The following ATP6V0D2 variants were observed in gnomAD, a reference collection of about 807,000 sequenced individuals.
ATP6V0D2 encodes V-type proton ATPase subunit d 2.
In ATP6V0D2, 40 loss-of-function variants were observed where a neutral mutation model predicts 40.0. The ratio of observed to expected loss-of-function variants is 1.00; its 90% CI spans 0.78 to 1.30. The LOEUF (loss-of-function observed/expected upper bound fraction) is 1.30. Ranked by LOEUF, ATP6V0D2 falls within the 50% of genes most tolerant of loss-of-function variation. ATP6V0D2 has a pLI of 0.00. For synonymous variants in ATP6V0D2, 179 were observed against 156.3 expected, an observed-to-expected ratio of 1.15 and a Z score of -1.08; for missense variants, 470 against 423.1, an observed-to-expected ratio of 1.11 and a Z score of -0.97.
In ATP6V0D2 at chr8:86,148,138, T is replaced by G. The variant is rs576408459; in HGVS notation, c.640-1974T>G. ...GACATTTTAGAATCTGAGAGCACAT[T>G]AAAGAACATCTATGACAATTACCTC... On this transcript the variant is annotated intron_variant, in intron 5 of 7. Coordinates refer to ENST00000285393, the MANE Select transcript of ATP6V0D2 (RefSeq NM_152565.1). Among the ~76,000 whole-genome samples, 22 of 152,314 alleles carry G rather than the reference T, an allele frequency of 1.4e-4. 1 individual carries two copies. In the South Asian group the frequency reaches 4.6e-3, roughly 32 times the overall value.
At chr8:86,135,665 G>A (rs1420118846) in intron 2 of ATP6V0D2, among the ~76,000 whole-genome samples, 1 of 152,142 alleles carries the variant, frequency 6.6e-6, no homozygotes, top group Non-Finnish European at 1.5e-5. Context: ...TTTTGAAATT[G>A]AGTAATTTGC....
chr8:86,152,176 G>A (rs1427447812), intron 7 of ATP6V0D2, among the ~76,000 whole-genome samples: 8 of 151,868 alleles, frequency 5.3e-5, no homozygotes, highest in Non-Finnish European at 7.4e-5. Flanking sequence ...TGTGGTGTTT[G>A]GTTTTTCTGT....
At chr8:86,103,780 C>G (rs1178556068) in intron 1 of ATP6V0D2, among the ~76,000 whole-genome samples, 2 of 152,140 alleles carry the variant, frequency 1.3e-5, no homozygotes, top group Non-Finnish European at 2.9e-5. Flanking sequence ...GACAAACTTA[C>G]ACACATGTGA....
In ATP6V0D2 at chr8:86,145,255, GAGAA is replaced by G. The variant is rs1179936581; in HGVS notation, c.639+2355_639+2358del. On this transcript the variant is annotated intron_variant, in intron 5 of 7. Transcript: ENST00000285393. ...AGAAAGAGAGAGAGAGAGAGAGAGA[GAGAA>G]AGAAAGAAAGAAAGAAAGAAAGAAA... Among the ~76,000 whole-genome samples the G allele has an allele frequency of 4.3e-3, 223 of 51,830 alleles. 1 individual carries two copies. The highest frequency in any genetic ancestry group is 9.4e-3 in the Admixed American group (50 of 5,346). The allele number at this position is 51,830 out of a possible 152,430, so 34.0% of individuals were successfully genotyped here.
intron 1 of ATP6V0D2, among the ~76,000 whole-genome samples, chr8:86,100,111 T>C (rs142116792): frequency 1.7e-3 from 259 of 152,114 alleles, no homozygotes; most frequent in Middle Eastern, 0.01. Flanking sequence ...ATTTGACTTC[T>C]GTCATGTCAC....
intron 1 of ATP6V0D2, among the ~76,000 whole-genome samples, chr8:86,105,636 T>TTTTA (rs56658905): frequency 1.4e-5 from 2 of 147,846 alleles, no homozygotes; most frequent in African/African-American, 5.0e-5. Flanking sequence ...TTTTTTTTTT[T>TTTTA]GAGATGGATT....
intron 2 of ATP6V0D2, among the ~76,000 whole-genome samples, chr8:86,126,060 C>T (rs1017390197): frequency 6.7e-6 from 1 of 149,838 alleles, no homozygotes; most frequent in Admixed American, 6.7e-5. Context: ...GCCTCAGCCT[C>T]CTGAGTAGCT....
rs1438997744 is a variant in ATP6V0D2 at position 86,152,717 on chromosome 8, A to T, written c.892-99A>T. The T allele has an allele frequency of 2.4e-6, 3 of 1,237,724 alleles. No homozygotes were observed. In the African/African-American group the frequency reaches 4.6e-5, roughly 19 times the overall value. 76.7% of individuals were successfully genotyped at this position (1,237,724 alleles called of 1,614,324 possible). ...TTTAGAGATTGCCTGTTTAAACACAAATAAGCACTGCACAAGTTCAAGCCA... is the reference window on the plus strand; with the variant it reads ...TTTAGAGATTGCCTGTTTAAACACATATAAGCACTGCACAAGTTCAAGCCA... On this transcript the variant is annotated intron_variant, in intron 7 of 7. Transcript: ENST00000285393.
At chr8:86,137,231 C>A (rs1049044624) in intron 2 of ATP6V0D2, among the ~76,000 whole-genome samples, 3 of 152,074 alleles carry the variant, frequency 2.0e-5, no homozygotes, top group Admixed American at 6.6e-5. Context: ...TCTGATGACC[C>A]CTTAGTTGCT....
rs1339541819 is a variant in ATP6V0D2, at chr8:86,153,232, T to C, written c.*255T>C. On this transcript the variant is annotated 3_prime_UTR_variant, in exon 8 of 8. Coordinates refer to ENST00000285393, the MANE Select transcript of ATP6V0D2 (RefSeq NM_152565.1). ...GCCTTACAGGTTAGTTTTAATTAAC[T>C]CTATGGTATTTTTCTTATTCTTGTT... 2 of 256,050 alleles carry C rather than the reference T, an allele frequency of 7.8e-6. No individual in the cohort carries two copies. The highest frequency in any genetic ancestry group is 1.4e-4 in the East Asian group (2 of 14,100). The allele number at this position is 256,050 out of a possible 1,614,324, so 15.9% of individuals were successfully genotyped here. A position where few individuals can be genotyped will look rare whatever the true frequency, so the allele number is the denominator to read the frequency against.
intron 1 of ATP6V0D2, among the ~76,000 whole-genome samples, chr8:86,111,987 G>A (rs935477249): frequency 6.6e-6 from 1 of 152,056 alleles, no homozygotes; most frequent in Non-Finnish European, 1.5e-5. Context: ...TCTATCTTTG[G>A]GTCTCCTGTA....
chr8:86,106,274 A>G (rs895723997), intron 1 of ATP6V0D2, among the ~76,000 whole-genome samples: 1 of 152,120 alleles, frequency 6.6e-6, no homozygotes, highest in African/African-American at 2.4e-5. Context: ...CTGGGACCAC[A>G]GGTGCATGTC....
intron 2 of ATP6V0D2, among the ~76,000 whole-genome samples, chr8:86,134,084 C>A (rs1286686443): frequency 6.6e-6 from 1 of 152,006 alleles, no homozygotes; most frequent in African/African-American, 2.4e-5. Context: ...GAAATGACAC[C>A]TTACCAATAA....
Position 86,153,190 on chromosome 8 carries a change from G to A in ATP6V0D2, c.*213G>A, listed in dbSNP as rs993251090. 2 of 363,622 alleles carry A rather than the reference G, an allele frequency of 5.5e-6. No homozygotes were observed. Among genetic ancestry groups the A allele is most frequent in the African/African-American group, 2.1e-5 (1 of 47,514 alleles). 22.5% of individuals were successfully genotyped at this position (363,622 alleles called of 1,614,324 possible). ...TATTAGATCTTGTTTCCACATGTCT[G>A]TCTCATTCTTCACTGGGCCTTACAG... On this transcript the variant is annotated 3_prime_UTR_variant, in exon 8 of 8. Coordinates refer to ENST00000285393, the MANE Select transcript of ATP6V0D2 (RefSeq NM_152565.1).
At position 86,109,224 on chromosome 8, in the gene ATP6V0D2, G is replaced by A. The variant is rs145110884; in HGVS notation, c.131-4485G>A. Among the ~76,000 whole-genome samples, 16 of 152,174 alleles carry A rather than the reference G, an allele frequency of 1.1e-4. No individual in the cohort carries two copies. In the East Asian group the frequency reaches 1.9e-3, roughly 18 times the overall value. Reference sequence around the variant, plus strand: ...TTTAATTCCTACAGTAAAGAAGCTTGTGCCTTCCAAATTTATTTTACCATA... The same window carrying A: ...TTTAATTCCTACAGTAAAGAAGCTTATGCCTTCCAAATTTATTTTACCATA... On this transcript the variant is annotated intron_variant, in intron 1 of 7. Coordinates refer to ENST00000285393, the MANE Select transcript of ATP6V0D2 (RefSeq NM_152565.1).
intron 2 of ATP6V0D2, among the ~76,000 whole-genome samples, chr8:86,132,905 T>C (rs960051415): frequency 6.6e-6 from 1 of 152,228 alleles, no homozygotes; most frequent in Non-Finnish European, 1.5e-5. Context: ...ATCTTCCTAC[T>C]GTTTTCCACA....
At chr8:86,121,446 T>G (rs1316173819) in intron 2 of ATP6V0D2, among the ~76,000 whole-genome samples, 2 of 152,168 alleles carry the variant, frequency 1.3e-5, no homozygotes, top group Admixed American at 1.3e-4. Context: ...GGCGCATGCC[T>G]GTAGTCCTAG....
chr8:86,130,170 G>C (rs1419335444), intron 2 of ATP6V0D2, among the ~76,000 whole-genome samples: 1 of 151,920 alleles, frequency 6.6e-6, no homozygotes, highest in African/African-American at 2.4e-5. Context: ...GGCATTTACT[G>C]TTGTTACCTT....
chr8:86,144,074 C>T (rs1819015034), intron 5 of ATP6V0D2, among the ~76,000 whole-genome samples: 1 of 152,172 alleles, frequency 6.6e-6, no homozygotes, highest in Non-Finnish European at 1.5e-5. Context: ...AATTATGTGT[C>T]AAACACCACC....
Sources: allele counts gnomAD v4.1 joint callset (sites outside exome capture counted in the v4.1 genomes callset), GRCh38; gene constraint gnomAD v4.1.1; transcripts MANE v1.5; gene names NCBI Gene and HGNC (gene_info 2026-07-23, HGNC 2026-07-21).